DNAH11: variants seen among roughly 807,000 people sequenced by gnomAD.
The protein encoded by DNAH11 is dynein axonemal heavy chain 11.
A neutral mutation model predicts 526.0 loss-of-function variants in DNAH11; 442 were observed. That is an observed-to-expected ratio of 0.84 (90% CI 0.78 to 0.91). The LOEUF (loss-of-function observed/expected upper bound fraction) is 0.91. DNAH11 is among the 40% of genes least tolerant of loss of function. The pLI is 0.00. For missense variants in DNAH11, 6,989 were observed against 5,448.7 expected (o/e 1.28, Z -8.90); for synonymous variants, 2,461 against 1,935.9 (o/e 1.27, Z -7.12).
intron 2 of DNAH11, among the ~76,000 whole-genome samples, chr7:21,548,115 T>G (rs1486389020): frequency 1.5e-5 from 2 of 129,916 alleles, no homozygotes; most frequent in African/African-American, 5.9e-5. Flanking sequence ...GTTATTAATT[T>G]CAGCATTTTT....
At chr7:21,858,670 A>C (rs1160262279) in intron 68 of DNAH11, among the ~76,000 whole-genome samples, 1 of 152,224 alleles carries the variant, frequency 6.6e-6, no homozygotes, top group Admixed American at 6.5e-5. Context: ...AGGCAAAATT[A>C]TTCTACAGTG....
At chr7:21,772,151 G>C (rs1787463126) in intron 55 of DNAH11, among the ~76,000 whole-genome samples, 1 of 152,152 alleles carries the variant, frequency 6.6e-6, no homozygotes, top group East Asian at 1.9e-4. Context: ...GTGCCATTTT[G>C]TTAAGCCTGA....
intron 76 of DNAH11, among the ~76,000 whole-genome samples, chr7:21,892,187 C>CAAAAGGAA (rs1784349380): frequency 6.6e-6 from 1 of 152,146 alleles, no homozygotes; most frequent in Non-Finnish European, 1.5e-5. Context: ...CCCATGCACA[C>CAAAAGGAA]TGCAAACTGA....
At chr7:21,824,612 A>G (rs1252252759) in intron 65 of DNAH11, among the ~76,000 whole-genome samples, 1 of 152,212 alleles carries the variant, frequency 6.6e-6, no homozygotes, top group African/African-American at 2.4e-5. Flanking sequence ...AAATATGCTC[A>G]ACATCATTAG....
chr7:21,627,114 TG>T (rs1273085141), intron 25 of DNAH11, among the ~76,000 whole-genome samples: 3 of 152,276 alleles, frequency 2.0e-5, no homozygotes, highest in Admixed American at 2.0e-4. Context: ...ATTGGGGTTT[TG>T]TTTTGTTTTT....
At chr7:21,550,233 T>A (rs2128427279) in intron 2 of DNAH11, among the ~76,000 whole-genome samples, 1 of 152,326 alleles carries the variant, frequency 6.6e-6, no homozygotes, top group Admixed American at 6.5e-5. Context: ...TCGGGAGCAC[T>A]TGATAGGGAC....
chr7:21,759,986 A>G (rs958179132), intron 54 of DNAH11, among the ~76,000 whole-genome samples: 2 of 152,192 alleles, frequency 1.3e-5, no homozygotes, highest in African/African-American at 4.8e-5. Context: ...TTTGCTTTTT[A>G]CTTGTGAGAA....
At chr7:21,707,486 G>A (rs1163781603) in intron 39 of DNAH11, among the ~76,000 whole-genome samples, 1 of 152,224 alleles carries the variant, frequency 6.6e-6, no homozygotes. Flanking sequence ...AGAGTCAAGT[G>A]AACTGATTCT....
rs367811733 is a variant in DNAH11, at chr7:21,885,169, T to TGTAAAAAAAAAA, written c.12507+759_12507+760insGTAAAAAAAAAA. ...TATTTGGATCTTGTTCCAAATGAAC[T>TGTAAAAAAAAAA]ATAAAAAAAAAAAAAAAAACACACA... On this transcript the variant is annotated intron_variant, in intron 76 of 81. Transcript: ENST00000409508. Among the ~76,000 whole-genome samples, 164 of 89,396 alleles carry TGTAAAAAAAAAA rather than the reference T, an allele frequency of 1.8e-3. 28 individuals carry two copies. The highest frequency in any genetic ancestry group is 2.3e-3 in the East Asian group (7 of 3,046). 58.6% of individuals were successfully genotyped at this position (89,396 alleles called of 152,430 possible).
chr7:21,639,021 G>A lies in DNAH11; in HGVS notation c.4900G>A (p.Ala1634Thr), dbSNP rs375527837. Reference protein sequence around the residue: ...AFPRFYFVSSADLLDILSKGA... With the variant: ...AFPRFYFVSSTDLLDILSKGA... ...TCCTCGCTTCTATTTCGTCTCTTCTGCTGATTTACTTGACATTCTCTCAAA... is the reference window on the plus strand; with the variant it reads ...TCCTCGCTTCTATTTCGTCTCTTCTACTGATTTACTTGACATTCTCTCAAA... The change falls in exon 28 of 82, where the codon GCT becomes ACT. Residue 1634 changes from alanine to threonine, a missense_variant. Coordinates refer to ENST00000409508, the MANE Select transcript of DNAH11 (RefSeq NM_001277115.2). 23 of 1,613,412 alleles carry A rather than the reference G, an allele frequency of 1.4e-5. No individual in the cohort carries two copies. The African/African-American group carries it at 2.9e-4, about 21-fold the overall frequency.
rs139135322 is a variant in DNAH11, at chr7:21,795,893, AT to A, written c.10027-5243del. On this transcript the variant is annotated intron_variant, in intron 61 of 81. Transcript: ENST00000409508. The stretch of plus-strand genomic sequence containing the variant: ...GTTTGGAGGAGCAGTTTCCTCTTGA[AT>A]CCAGTCTTAAAAGATGAATAGGTTT... 6.2e-3 allele frequency among the ~76,000 whole-genome samples: 951 copies of A among 152,302 alleles called. 6 individuals are homozygous for A. Among genetic ancestry groups the A allele is most frequent in the African/African-American group, 0.022 (897 of 41,576 alleles).
At chr7:21,743,892 T>A (rs1439762250) in intron 49 of DNAH11, among the ~76,000 whole-genome samples, 1 of 152,180 alleles carries the variant, frequency 6.6e-6, no homozygotes, top group Non-Finnish European at 1.5e-5. Flanking sequence ...CAGAGTAAGC[T>A]GCCTCTCTCC....
intron 6 of DNAH11, among the ~76,000 whole-genome samples, chr7:21,565,992 G>C (rs1270176490): frequency 6.6e-6 from 1 of 152,046 alleles, no homozygotes; most frequent in Non-Finnish European, 1.5e-5. Context: ...GGTCCTAATG[G>C]CGCGGGTCTC....
chr7:21,639,017 T>G lies in DNAH11; in HGVS notation c.4896T>G (p.Ser1632=), dbSNP rs755348241. 6.2e-7 allele frequency: 1 copy of G among 1,613,752 alleles called. No homozygotes were observed. The highest frequency in any genetic ancestry group is 1.7e-5 in the Admixed American group (1 of 60,004). Residue 1632 remains serine, a synonymous_variant, in exon 28 of 82, where the codon TCT becomes TCG. Coordinates refer to ENST00000409508, the MANE Select transcript of DNAH11 (RefSeq NM_001277115.2). ...CCTTTCCTCGCTTCTATTTCGTCTCTTCTGCTGATTTACTTGACATTCTCT... is the reference window on the plus strand; with the variant it reads ...CCTTTCCTCGCTTCTATTTCGTCTCGTCTGCTGATTTACTTGACATTCTCT... ...RIAFPRFYFV[S]SADLLDILSK...
At chr7:21,781,260 T>C (rs1787929457) in intron 57 of DNAH11, among the ~76,000 whole-genome samples, 1 of 152,198 alleles carries the variant, frequency 6.6e-6, no homozygotes, top group Non-Finnish European at 1.5e-5. Flanking sequence ...ACGTTTAACA[T>C]GACTAAATAA....
At chr7:21,837,666 C>G (rs1336947395) in intron 65 of DNAH11, among the ~76,000 whole-genome samples, 2 of 151,896 alleles carry the variant, frequency 1.3e-5, no homozygotes, top group East Asian at 3.9e-4. Context: ...TTTGGTAACA[C>G]CATTATCAAG....
chr7:21,603,192 A>G lies in DNAH11; in HGVS notation c.3648+1574A>G, dbSNP rs142639130. Among the ~76,000 whole-genome samples, 174 of 152,344 alleles carry G rather than the reference A, an allele frequency of 1.1e-3. 1 individual carries two copies. Among genetic ancestry groups the G allele is most frequent in the African/African-American group, 3.9e-3 (162 of 41,576 alleles). On this transcript the variant is annotated intron_variant, in intron 18 of 81. Transcript: ENST00000409508. ...TTTTGTTAGGCTTCTTTCACTTGGT[A>G]TAATGTTTTCCAGGTTCATTCACAT...
chr7:21,772,071 G>A (rs573628258), intron 55 of DNAH11, among the ~76,000 whole-genome samples: 1 of 152,296 alleles, frequency 6.6e-6, no homozygotes, highest in African/African-American at 2.4e-5. Context: ...GTTCTGGAAC[G>A]ATTAGAGTTT....
chr7:21,785,384 C>G (rs929079922), intron 58 of DNAH11, among the ~76,000 whole-genome samples: 1 of 152,128 alleles, frequency 6.6e-6, no homozygotes, highest in Non-Finnish European at 1.5e-5. Context: ...TGACAGAACT[C>G]TGATTATTAT....
Sources: allele counts gnomAD v4.1 joint callset (sites outside exome capture counted in the v4.1 genomes callset), GRCh38; gene constraint gnomAD v4.1.1; transcripts MANE v1.5; gene names NCBI Gene and HGNC (gene_info 2026-07-23, HGNC 2026-07-21).